Variants in PRKCI observed in about 807,000 individuals in gnomAD.
The protein encoded by PRKCI is protein kinase C iota.
PRKCI carries 43 observed loss-of-function variants against 84.0 expected under a neutral mutation model. The ratio of observed to expected loss-of-function variants is 0.51; its 90% CI spans 0.40 to 0.66. The LOEUF (loss-of-function observed/expected upper bound fraction) is 0.66. Among genes scored for constraint, PRKCI ranks in the 30% least tolerant of loss-of-function variants. The pLI is 0.00. For missense variants in PRKCI, 459 were observed against 745.6 expected (o/e 0.62, Z 4.48); for synonymous variants, 216 against 234.4 (o/e 0.92, Z 0.72).
intron 2 of PRKCI, among the ~76,000 whole-genome samples, chr3:170,239,807 T>A (rs952906198): frequency 6.6e-6 from 1 of 151,826 alleles, no homozygotes; most frequent in African/African-American, 2.4e-5. Flanking sequence ...GTTTTGTTCA[T>A]GTTGGAGCTG....
intron 8 of PRKCI, among the ~76,000 whole-genome samples, chr3:170,276,130 A>C (rs975946602): frequency 3.3e-4 from 50 of 151,902 alleles, no homozygotes; most frequent in African/African-American, 1.1e-3. Flanking sequence ...GTAGAGACAG[A>C]GTCTCACTAT....
intron 3 of PRKCI, among the ~76,000 whole-genome samples, chr3:170,261,015 G>C (rs118062387): frequency 6.6e-6 from 1 of 151,838 alleles, no homozygotes; most frequent in Admixed American, 6.6e-5. Flanking sequence ...GGAGTGCATT[G>C]GTGCAGTCAT....
chr3:170,222,599 G>A lies in PRKCI; in HGVS notation c.-71G>A. The A allele has an allele frequency of 7.6e-7, 1 of 1,322,626 alleles. No individual in the cohort carries two copies. The highest frequency in any genetic ancestry group is 1.0e-6 in the Non-Finnish European group (1 of 977,884). 81.9% of individuals were successfully genotyped at this position (1,322,626 alleles called of 1,614,324 possible). On this transcript the variant is annotated 5_prime_UTR_variant, in exon 1 of 18. Transcript: ENST00000295797. ...GGTTCTCCGGCAAGCGCAGGCGGCG[G>A]AGTCCCCCACGGCGCCCGAAGCGCC...
At chr3:170,232,289 G>T (rs552232133) in intron 1 of PRKCI, among the ~76,000 whole-genome samples, 1 of 152,114 alleles carries the variant, frequency 6.6e-6, no homozygotes, top group Admixed American at 6.5e-5. Flanking sequence ...GTACCGAAGC[G>T]ATCCTCCCAC....
Position 170,304,171 on chromosome 3 carries a change from A to G in PRKCI, c.*1044A>G, listed in dbSNP as rs1263347248. 6.6e-6 allele frequency: 1 copy of G among 152,210 alleles called. No individual in the cohort carries two copies. The highest frequency in any genetic ancestry group is 1.5e-5 in the Non-Finnish European group (1 of 68,038). 9.4% of individuals were successfully genotyped at this position (152,210 alleles called of 1,614,324 possible). ...CTTTAACTGCAGTGTTAATATATAC[A>G]CTGCAAAAGACCAAGGATGCAGTTG... On this transcript the variant is annotated 3_prime_UTR_variant, in exon 18 of 18. Coordinates refer to ENST00000295797, the MANE Select transcript of PRKCI (RefSeq NM_002740.6).
At chr3:170,259,508 A>G (rs536335680) in intron 2 of PRKCI, among the ~76,000 whole-genome samples, 1 of 152,198 alleles carries the variant, frequency 6.6e-6, no homozygotes, top group South Asian at 2.1e-4. Flanking sequence ...CTAAATAAAT[A>G]TCTAAATATT....
intron 1 of PRKCI, among the ~76,000 whole-genome samples, chr3:170,234,687 C>T (rs1732898880): frequency 2.0e-5 from 3 of 152,144 alleles, no homozygotes; most frequent in Non-Finnish European, 4.4e-5. Flanking sequence ...TGCTTTAAAT[C>T]AAGCAATTCT....
chr3:170,294,334 T>C (rs1313880444), intron 14 of PRKCI, among the ~76,000 whole-genome samples: 1 of 152,198 alleles, frequency 6.6e-6, no homozygotes, highest in African/African-American at 2.4e-5. Flanking sequence ...GTATGAAAAC[T>C]ACTATAAAAT....
rs1705591 is a variant in PRKCI at position 170,240,094 on chromosome 3, G to T, written c.223+4743G>T. On this transcript the variant is annotated intron_variant, in intron 2 of 17. Transcript: ENST00000295797. ...GAAGGATTGCTTGAGCATGGGAGAT[G>T]GAGGCTGCAGTGAGCCATGATTGTG... 8.6e-5 allele frequency among the ~76,000 whole-genome samples: 13 copies of T among 152,028 alleles called. No homozygotes were observed. In the South Asian group the frequency reaches 2.7e-3, roughly 32 times the overall value.
At chr3:170,274,482 T>C (rs1381538960) in intron 7 of PRKCI, among the ~76,000 whole-genome samples, 1 of 152,194 alleles carries the variant, frequency 6.6e-6, no homozygotes, top group Non-Finnish European at 1.5e-5. Context: ...GTAGAAATTA[T>C]GTGAAACATA....
intron 2 of PRKCI, among the ~76,000 whole-genome samples, chr3:170,248,373 G>T (rs943241274): frequency 2.1e-5 from 1 of 47,204 alleles, no homozygotes; most frequent in Non-Finnish European, 3.8e-5. Flanking sequence ...AGATATATTG[G>T]GGGGGGGAAA....
chr3:170,295,857 A>C (rs1413828575), intron 14 of PRKCI, 54 bp from the exon 15 acceptor site: 8 of 1,095,210 alleles, frequency 7.3e-6, no homozygotes, highest in Non-Finnish European at 1.0e-5. Flanking sequence ...AAGAAGAAAA[A>C]AGATTAAAGC....
chr3:170,272,244 A>G (rs1310835324), intron 6 of PRKCI, among the ~76,000 whole-genome samples: 2 of 152,200 alleles, frequency 1.3e-5, no homozygotes, highest in Non-Finnish European at 2.9e-5. Context: ...CTATCTAAGC[A>G]CACTGCCTAT....
At chr3:170,292,742 C>T (rs369950937) in intron 13 of PRKCI, among the ~76,000 whole-genome samples, 1 of 148,060 alleles carries the variant, frequency 6.8e-6, no homozygotes, top group East Asian at 2.0e-4. Context: ...TCCACACCTC[C>T]AGCAGTTGCC....
chr3:170,230,539 A>T (rs1462309583), intron 1 of PRKCI, among the ~76,000 whole-genome samples: 1 of 152,240 alleles, frequency 6.6e-6, no homozygotes. Flanking sequence ...CATGTTGGCC[A>T]GGCTGGTCCC....
chr3:170,296,267 A>G (rs1216067598), intron 15 of PRKCI, among the ~76,000 whole-genome samples: 1 of 152,222 alleles, frequency 6.6e-6, no homozygotes, highest in African/African-American at 2.4e-5. Flanking sequence ...ATTCTCACAT[A>G]GGGGAAGAGT....
intron 2 of PRKCI, among the ~76,000 whole-genome samples, chr3:170,253,071 A>G (rs1733493999): frequency 6.6e-6 from 1 of 152,254 alleles, no homozygotes; most frequent in Non-Finnish European, 1.5e-5. Context: ...TTTGTGGCTG[A>G]ATAGTACTCC....
chr3:170,273,436 C>T (rs28664891), intron 7 of PRKCI, 96 bp downstream of exon 7: 55,726 of 1,155,420 alleles, frequency 0.048, 4,627 homozygotes, highest in African/African-American at 0.33. Context: ...AAAACATTTA[C>T]TTCTTCCCAA....
At chr3:170,261,759 C>A (rs983181987) in intron 3 of PRKCI, among the ~76,000 whole-genome samples, 1 of 152,202 alleles carries the variant, frequency 6.6e-6, no homozygotes, top group African/African-American at 2.4e-5. Context: ...TCTGGGATTA[C>A]AGGCGTCAGC....
Sources: allele counts gnomAD v4.1 joint callset (sites outside exome capture counted in the v4.1 genomes callset), GRCh38; gene constraint gnomAD v4.1.1; transcripts MANE v1.5; gene names NCBI Gene and HGNC (gene_info 2026-07-23, HGNC 2026-07-21).